KCNJ6: variants seen among roughly 807,000 people sequenced by gnomAD.
KCNJ6 encodes potassium inwardly rectifying channel subfamily J member 6.
KCNJ6 carries 9 observed loss-of-function variants against 34.2 expected under a neutral mutation model. The observed-to-expected ratio is 0.26, with a 90% CI of 0.16 to 0.46. KCNJ6 has a LOEUF of 0.46. KCNJ6 is among the 20% of genes least tolerant of loss of function. The probability of loss-of-function intolerance (pLI) is 1.00; values close to 1 mark genes in which losing one functional copy is unlikely to be tolerated. For missense variants in KCNJ6, 236 were observed against 531.3 expected, an observed-to-expected ratio of 0.44 and a Z score of 5.46; for synonymous variants, 196 against 207.1, an observed-to-expected ratio of 0.95 and a Z score of 0.46.
At chr21:37,849,260 G>A (rs952808853) in intron 1 of KCNJ6, among the ~76,000 whole-genome samples, 1 of 152,142 alleles carries the variant, frequency 6.6e-6, no homozygotes, top group Non-Finnish European at 1.5e-5. Flanking sequence ...GAAACAGGCA[G>A]GAATTTCCTG....
chr21:37,749,447 A>G lies in KCNJ6; in HGVS notation c.26-34316T>C, dbSNP rs139078856. Among the ~76,000 whole-genome samples the G allele has an allele frequency of 3.9e-5, 6 of 152,294 alleles. No homozygotes were observed. In the East Asian group the frequency reaches 7.7e-4, roughly 20 times the overall value. ...CAGGGAGCCCCATAGGGACTGCTCA[A>G]TGAATCCACCTGGACTGGATTTGTC... On this transcript the variant is annotated intron_variant, in intron 2 of 3. Coordinates refer to ENST00000609713, the MANE Select transcript of KCNJ6 (RefSeq NM_002240.5).
intron 2 of KCNJ6, among the ~76,000 whole-genome samples, chr21:37,761,100 T>TTGCGTGTGTGTGTGC (rs1184762148): frequency 3.3e-5 from 5 of 152,102 alleles, no homozygotes; most frequent in African/African-American, 1.2e-4. Context: ...AATGGTGGTG[T>TTGCGTGTGTGTGTGC]TGCGTGTGTG....
At chr21:37,819,114 T>A (rs1229195758) in intron 2 of KCNJ6, among the ~76,000 whole-genome samples, 1 of 152,220 alleles carries the variant, frequency 6.6e-6, no homozygotes, top group African/African-American at 2.4e-5. Flanking sequence ...AGCTGGATAT[T>A]GGCCTTGGGT....
chr21:37,617,209 CT>C lies in KCNJ6; in HGVS notation c.*7949del, dbSNP rs1601388753. 4.1e-5 allele frequency: 5 copies of C among 122,898 alleles called. No homozygotes were observed. The East Asian group carries it at 1.2e-3, about 30-fold the overall frequency. The allele number at this position is 122,898 out of a possible 1,614,324, so 7.6% of individuals were successfully genotyped here. On this transcript the variant is annotated 3_prime_UTR_variant, in exon 4 of 4. Coordinates refer to ENST00000609713, the MANE Select transcript of KCNJ6 (RefSeq NM_002240.5). ...CCTTCCTTCCTTCCTTCCTTCCTTC[CT>C]TCCTTCCTTCTTTTCTTTCTTTTTT...
intron 2 of KCNJ6, among the ~76,000 whole-genome samples, chr21:37,749,275 G>A (rs896736566): frequency 6.6e-6 from 1 of 152,186 alleles, no homozygotes; most frequent in African/African-American, 2.4e-5. Context: ...CTTCGAGGAA[G>A]CCGGGTGTTT....
chr21:37,691,264 T>C (rs1601421498), intron 3 of KCNJ6, among the ~76,000 whole-genome samples: 1 of 152,032 alleles, frequency 6.6e-6, no homozygotes, highest in Non-Finnish European at 1.5e-5. Flanking sequence ...TAGGCTCAGG[T>C]GTAGGGGGGC....
At chr21:37,679,395 C>G (rs1407722363) in intron 3 of KCNJ6, among the ~76,000 whole-genome samples, 1 of 152,212 alleles carries the variant, frequency 6.6e-6, no homozygotes, top group Non-Finnish European at 1.5e-5. Context: ...TCCTGTGCCT[C>G]TGTTTCCTTA....
intron 2 of KCNJ6, among the ~76,000 whole-genome samples, chr21:37,761,060 TG>T (rs1451123780): frequency 1.3e-5 from 2 of 152,134 alleles, no homozygotes; most frequent in Non-Finnish European, 2.9e-5. Flanking sequence ...AGGGAAGCCT[TG>T]CCAGGGGACG....
chr21:37,828,815 T>C (rs915972798), intron 2 of KCNJ6, among the ~76,000 whole-genome samples: 19 of 152,232 alleles, frequency 1.2e-4, no homozygotes, highest in African/African-American at 4.3e-4. Flanking sequence ...AGCTGTGGAC[T>C]GTCCACGCTT....
chr21:37,637,151 A>G (rs1383126022), intron 3 of KCNJ6, among the ~76,000 whole-genome samples: 1 of 152,208 alleles, frequency 6.6e-6, no homozygotes, highest in Admixed American at 6.5e-5. Context: ...TTCATGTGGG[A>G]GAATGATGTT....
At chr21:37,755,868 C>T (rs2055021704) in intron 2 of KCNJ6, among the ~76,000 whole-genome samples, 1 of 152,226 alleles carries the variant, frequency 6.6e-6, no homozygotes, top group Admixed American at 6.5e-5. Context: ...GCACCTTGGC[C>T]TTTGGTGGAG....
chr21:37,885,591 G>C (rs2055731400), intron 1 of KCNJ6, among the ~76,000 whole-genome samples: 1 of 152,234 alleles, frequency 6.6e-6, no homozygotes, highest in African/African-American at 2.4e-5. Flanking sequence ...AAGCCCACAT[G>C]GAGGGGACAC....
chr21:37,853,371 A>G (rs975233633), intron 1 of KCNJ6, among the ~76,000 whole-genome samples: 3 of 148,032 alleles, frequency 2.0e-5, no homozygotes, highest in African/African-American at 7.8e-5. Flanking sequence ...ACAAAATAGC[A>G]TAACATTTTT....
intron 1 of KCNJ6, among the ~76,000 whole-genome samples, chr21:37,847,765 AG>A (rs2055516925): frequency 6.9e-6 from 1 of 145,872 alleles, no homozygotes; most frequent in Non-Finnish European, 1.5e-5. Flanking sequence ...AGAGGGAGAG[AG>A]AGAGGAGAGA....
In KCNJ6 at chr21:37,611,883, G is replaced by A. The variant is rs1031552400; in HGVS notation, c.*13276C>T. The A allele has an allele frequency of 1.3e-5, 2 of 151,972 alleles. No homozygotes were observed. Among genetic ancestry groups the A allele is most frequent in the African/African-American group, 4.8e-5 (2 of 41,376 alleles). 9.4% of individuals were successfully genotyped at this position (151,972 alleles called of 1,614,324 possible). ...TACAGCTAACATCATACTAAATGGC[G>A]TGATGGTGAGAAACCTGAAGCTGTC... On this transcript the variant is annotated 3_prime_UTR_variant, in exon 4 of 4. Coordinates refer to ENST00000609713, the MANE Select transcript of KCNJ6 (RefSeq NM_002240.5).
intron 1 of KCNJ6, among the ~76,000 whole-genome samples, chr21:37,860,210 T>C (rs1186523878): frequency 6.6e-6 from 1 of 152,200 alleles, no homozygotes; most frequent in East Asian, 1.9e-4. Flanking sequence ...ACCCAGGTAA[T>C]AGCTCATAAT....
intron 3 of KCNJ6, among the ~76,000 whole-genome samples, chr21:37,665,777 T>G (rs2054511273): frequency 6.6e-6 from 1 of 152,236 alleles, no homozygotes; most frequent in African/African-American, 2.4e-5. Flanking sequence ...GTTTAGTAAT[T>G]CAAAGTGTAT....
chr21:37,759,274 T>G (rs2055048031), intron 2 of KCNJ6, among the ~76,000 whole-genome samples: 1 of 152,328 alleles, frequency 6.6e-6, no homozygotes, highest in Non-Finnish European at 1.5e-5. Flanking sequence ...GAGGTTTCTC[T>G]GGGTGCCTCA....
In KCNJ6 at chr21:37,838,463, C is replaced by A. The variant is rs548948764; in HGVS notation, c.25+2195G>T. On this transcript the variant is annotated intron_variant, in intron 2 of 3. Transcript: ENST00000609713. The stretch of plus-strand genomic sequence containing the variant: ...TAGCATCATAACTTATGTGCAACAC[C>A]ATCTGATGTAATTCACCCAGACACC... Among the ~76,000 whole-genome samples, 10 of 152,244 alleles carry A rather than the reference C, an allele frequency of 6.6e-5. No homozygotes were observed. The East Asian group carries it at 1.9e-3, about 29-fold the overall frequency.
Sources: allele counts gnomAD v4.1 joint callset (sites outside exome capture counted in the v4.1 genomes callset), GRCh38; gene constraint gnomAD v4.1.1; transcripts MANE v1.5; gene names NCBI Gene and HGNC (gene_info 2026-07-23, HGNC 2026-07-21).